CNTN4: variants seen among roughly 807,000 people sequenced by gnomAD.
CNTN4 encodes the protein contactin 4.
In CNTN4, 77 loss-of-function variants were observed where a neutral mutation model predicts 122.5. The ratio of observed to expected loss-of-function variants is 0.63; its 90% confidence interval spans 0.52 to 0.76. CNTN4 has a LOEUF of 0.76. Among genes scored for constraint, CNTN4 ranks in the 30% least tolerant of loss-of-function variants. The pLI, the probability that CNTN4 is intolerant of heterozygous loss-of-function variation, is 0.00. For missense variants in CNTN4, 1,256 were observed against 1,259.1 expected (o/e 1.00, Z 0.04); for synonymous variants, 512 against 447.0 (o/e 1.15, Z -1.83).
At chr3:2,644,867 C>T (rs1308203820) in intron 4 of CNTN4, among the ~76,000 whole-genome samples, 1 of 149,026 alleles carries the variant, frequency 6.7e-6, no homozygotes, top group Non-Finnish European at 1.5e-5. Context: ...AACCCCTTGT[C>T]TTGTATTCTG....
At chr3:2,216,188 C>T (rs1185087) in intron 2 of CNTN4, among the ~76,000 whole-genome samples, 46,343 of 152,000 alleles carry the variant, frequency 0.3, 7,499 homozygotes, top group African/African-American at 0.38. Flanking sequence ...ATATACACCA[C>T]GAAACACTAT....
In CNTN4 at chr3:3,044,821, C is replaced by T. The variant is rs117985035; in HGVS notation, c.2811+1117C>T. Reference sequence around the variant, plus strand: ...TGAAGCAGGGCGAGGCATCGCCTCACCTGGGAAGGGCAAAGGGTCAAGGAA... The same window carrying T: ...TGAAGCAGGGCGAGGCATCGCCTCATCTGGGAAGGGCAAAGGGTCAAGGAA... On this transcript the variant is annotated intron_variant, in intron 23 of 24. Transcript: ENST00000418658. Among the ~76,000 whole-genome samples the T allele has an allele frequency of 5.8e-4, 89 of 152,306 alleles. 6 individuals carry two copies. In the East Asian group the frequency reaches 0.014, roughly 24 times the overall value.
chr3:2,587,715 A>T (rs1420614374), intron 4 of CNTN4, among the ~76,000 whole-genome samples: 3 of 152,222 alleles, frequency 2.0e-5, no homozygotes, highest in African/African-American at 7.2e-5. Flanking sequence ...TGGATTTCAT[A>T]TTATTTAAAC....
At chr3:3,050,763 CAA>C (rs1184756504) in intron 23 of CNTN4, among the ~76,000 whole-genome samples, 10,229 of 84,828 alleles carry the variant, frequency 0.12, 551 homozygotes, top group Admixed American at 0.17. Flanking sequence ...AACTCCGTCT[CAA>C]AAAAAAAAAA....
chr3:2,569,395 G>C (rs1423736291), intron 3 of CNTN4, among the ~76,000 whole-genome samples: 1 of 152,110 alleles, frequency 6.6e-6, no homozygotes, highest in African/African-American at 2.4e-5. Flanking sequence ...TCTTATAAGT[G>C]GGAGTAAGAT....
At chr3:2,103,532 G>A (rs1413750262) in intron 2 of CNTN4, among the ~76,000 whole-genome samples, 1 of 152,016 alleles carries the variant, frequency 6.6e-6, no homozygotes, top group East Asian at 1.9e-4. Flanking sequence ...CCACTTTCAT[G>A]CTTCAGTATG....
At chr3:2,747,105 AT>A (rs373709646) in intron 6 of CNTN4, among the ~76,000 whole-genome samples, 5,087 of 149,062 alleles carry the variant, frequency 0.034, 126 homozygotes, top group Non-Finnish European at 0.052. Context: ...AAAAAAAAAA[AT>A]GGAGATGGAA....
chr3:2,714,428 G>T (rs1477841276), intron 4 of CNTN4, among the ~76,000 whole-genome samples: 1 of 152,138 alleles, frequency 6.6e-6, no homozygotes, highest in African/African-American at 2.4e-5. Context: ...GTGGGGAAGT[G>T]TTGGGGTTGG....
Position 2,988,898 on chromosome 3 carries a change from C to A in CNTN4, c.1486+426C>A, listed in dbSNP as rs533685206. The stretch of plus-strand genomic sequence containing the variant: ...ATTGGTAATTTTTAAGATAGCTGTC[C>A]CATTTATTCAGAGATATGGATATGG... On this transcript the variant is annotated intron_variant, in intron 14 of 24. Coordinates refer to ENST00000418658, the MANE Select transcript of CNTN4 (RefSeq NM_175607.3). 10 of 237,530 alleles carry A rather than the reference C, an allele frequency of 4.2e-5. No homozygotes were observed. The East Asian group carries it at 9.4e-4, about 22-fold the overall frequency. 14.7% of individuals were successfully genotyped at this position (237,530 alleles called of 1,614,324 possible). A position where few individuals can be genotyped will look rare whatever the true frequency, so the allele number is the denominator to read the frequency against.
intron 6 of CNTN4, among the ~76,000 whole-genome samples, chr3:2,803,377 T>C (rs1049741846): frequency 2.6e-5 from 4 of 152,196 alleles, no homozygotes; most frequent in Non-Finnish European, 5.9e-5. Flanking sequence ...TGTGAACTTA[T>C]AAATCTAAAC....
At chr3:2,237,271 G>C (rs1181121411) in intron 2 of CNTN4, among the ~76,000 whole-genome samples, 1 of 152,034 alleles carries the variant, frequency 6.6e-6, no homozygotes, top group Non-Finnish European at 1.5e-5. Flanking sequence ...CTATATAGGA[G>C]GGATGAGAGG....
At chr3:2,389,259 C>T (rs1055933010) in intron 3 of CNTN4, among the ~76,000 whole-genome samples, 10 of 115,358 alleles carry the variant, frequency 8.7e-5, no homozygotes, top group African/African-American at 1.9e-4. Context: ...GATCTATCTT[C>T]ACGTGGCTGC....
At chr3:2,383,260 C>T (rs1432902231) in intron 3 of CNTN4, among the ~76,000 whole-genome samples, 2 of 151,990 alleles carry the variant, frequency 1.3e-5, no homozygotes, top group Non-Finnish European at 2.9e-5. Flanking sequence ...CATGTGAATC[C>T]TTTTTATAAT....
intron 3 of CNTN4, among the ~76,000 whole-genome samples, chr3:2,414,914 G>A (rs563908486): frequency 6.6e-6 from 1 of 152,204 alleles, no homozygotes; most frequent in South Asian, 2.1e-4. Flanking sequence ...TAAAGGAAAA[G>A]CACATAGAAA....
At chr3:2,350,414 A>G (rs1351688437) in intron 3 of CNTN4, among the ~76,000 whole-genome samples, 1 of 152,182 alleles carries the variant, frequency 6.6e-6, no homozygotes, top group Non-Finnish European at 1.5e-5. Context: ...AGCTTCCACC[A>G]AGTGGTTGGT....
chr3:2,547,104 T>G (rs1575938926), intron 3 of CNTN4, among the ~76,000 whole-genome samples: 1 of 150,580 alleles, frequency 6.6e-6, no homozygotes. Flanking sequence ...AGCTAAACAT[T>G]GGGAGAAATT....
intron 2 of CNTN4, among the ~76,000 whole-genome samples, chr3:2,119,605 C>G (rs2033590024): frequency 6.6e-6 from 1 of 152,146 alleles, no homozygotes; most frequent in South Asian, 2.1e-4. Context: ...ATTTGTTACT[C>G]CCTGGAAATT....
chr3:2,965,462 G>A (rs1692212234), intron 13 of CNTN4, among the ~76,000 whole-genome samples: 1 of 152,168 alleles, frequency 6.6e-6, no homozygotes, highest in African/African-American at 2.4e-5. Flanking sequence ...GGTGACCAAC[G>A]CAACTGAGGA....
At chr3:2,108,731 C>A (rs1484602575) in intron 2 of CNTN4, among the ~76,000 whole-genome samples, 1 of 152,156 alleles carries the variant, frequency 6.6e-6, no homozygotes, top group African/African-American at 2.4e-5. Flanking sequence ...TAAAAGACAT[C>A]ATAAATTAAA....
Sources: allele counts gnomAD v4.1 joint callset (sites outside exome capture counted in the v4.1 genomes callset), GRCh38; gene constraint gnomAD v4.1.1; transcripts MANE v1.5; gene names NCBI Gene and HGNC (gene_info 2026-07-23, HGNC 2026-07-21).